Variants in GRM7 observed in about 807,000 individuals in gnomAD.
GRM7 encodes the protein metabotropic glutamate receptor 7.
A neutral mutation model predicts 84.5 loss-of-function variants in GRM7; 35 were observed. That is an observed-to-expected ratio of 0.41 (90% CI 0.32 to 0.55). The LOEUF (loss-of-function observed/expected upper bound fraction) is 0.55, where lower values mean the gene tolerates loss of function less well. Ranked by LOEUF, GRM7 falls within the 20% of genes least tolerant of loss-of-function variation. The probability of loss-of-function intolerance (pLI) is 0.19; values close to 1 mark genes in which losing one functional copy is unlikely to be tolerated. For synonymous variants in GRM7, 487 were observed against 455.1 expected (o/e 1.07, Z -0.89); for missense variants, 1,003 against 1,194.6 (o/e 0.84, Z 2.36).
intron 7 of GRM7, among the ~76,000 whole-genome samples, chr3:7,572,536 C>A (rs994310485): frequency 6.6e-6 from 1 of 151,752 alleles, no homozygotes; most frequent in Non-Finnish European, 1.5e-5. Context: ...TCTAATAATG[C>A]TGGCTGGGCA....
At chr3:7,011,506 C>T (rs1237639390) in intron 1 of GRM7, among the ~76,000 whole-genome samples, 8 of 152,080 alleles carry the variant, frequency 5.3e-5, no homozygotes, top group Admixed American at 5.2e-4. Flanking sequence ...TTGTGGTGGC[C>T]ATTTTTATTC....
intron 4 of GRM7, among the ~76,000 whole-genome samples, chr3:7,374,851 A>G (rs1011165859): frequency 6.6e-6 from 1 of 152,084 alleles, no homozygotes; most frequent in East Asian, 1.9e-4. Flanking sequence ...AGCTTCCTTA[A>G]GTGAGATAGT....
Position 7,722,737 on chromosome 3 carries a change from C to T in GRM7, c.2699-17620C>T, listed in dbSNP as rs540996841. 9.2e-5 allele frequency among the ~76,000 whole-genome samples: 14 copies of T among 152,162 alleles called. No individual in the cohort carries two copies. In the South Asian group the frequency reaches 2.7e-3, roughly 29 times the overall value. Reference sequence around the variant, plus strand: ...GATTACAGGTGTGAGCCACCACGCCCGGCCCCTTGTGTTTTTCCCACTGCT... The same window carrying T: ...GATTACAGGTGTGAGCCACCACGCCTGGCCCCTTGTGTTTTTCCCACTGCT... On this transcript the variant is annotated intron_variant, in intron 9 of 9. Coordinates refer to ENST00000357716, the MANE Select transcript of GRM7 (RefSeq NM_000844.4).
intron 4 of GRM7, among the ~76,000 whole-genome samples, chr3:7,351,722 C>T (rs1693155946): frequency 6.6e-6 from 1 of 151,866 alleles, no homozygotes; most frequent in Non-Finnish European, 1.5e-5. Flanking sequence ...GAGCAGAATA[C>T]CTTTTTTTTT....
At chr3:7,740,228 C>T in intron 9 of GRM7, 129 bp from the exon 10 acceptor site, 1 of 602,826 alleles carries the variant, frequency 1.7e-6, no homozygotes, top group Middle Eastern at 2.9e-4. Flanking sequence ...CCAAAGTTGT[C>T]TGTGTGTGTT....
At chr3:7,277,177 C>T (rs1315100636) in intron 2 of GRM7, among the ~76,000 whole-genome samples, 1 of 152,010 alleles carries the variant, frequency 6.6e-6, no homozygotes, top group African/African-American at 2.4e-5. Context: ...CCTCAGATTG[C>T]TTTCTCACAA....
At chr3:7,576,809 AT>A (rs1694984544) in intron 7 of GRM7, among the ~76,000 whole-genome samples, 2 of 152,182 alleles carry the variant, frequency 1.3e-5, no homozygotes, top group Non-Finnish European at 2.9e-5. Context: ...TACTAAAACT[AT>A]TTCATGCATA....
chr3:6,886,841 A>G (rs1445139167), intron 1 of GRM7, among the ~76,000 whole-genome samples: 2 of 151,852 alleles, frequency 1.3e-5, no homozygotes, highest in African/African-American at 2.4e-5. Context: ...AGCACTTTGT[A>G]TATATAATTC....
intron 2 of GRM7, among the ~76,000 whole-genome samples, chr3:7,247,617 A>AT (rs1697820321): frequency 6.6e-6 from 1 of 150,584 alleles, no homozygotes; most frequent in Non-Finnish European, 1.5e-5. Context: ...AAAAAAAAAA[A>AT]AAAGAAGAAG....
chr3:6,988,190 T>TTTGGAGGG (rs1694498655), intron 1 of GRM7, among the ~76,000 whole-genome samples: 1 of 141,564 alleles, frequency 7.1e-6, no homozygotes, highest in Non-Finnish European at 1.5e-5. Flanking sequence ...TTTTTTTTTT[T>TTTGGAGGG]AGTAGAGATG....
At chr3:7,064,199 A>C (rs1399605814) in intron 1 of GRM7, among the ~76,000 whole-genome samples, 1 of 150,758 alleles carries the variant, frequency 6.6e-6, no homozygotes, top group East Asian at 2.0e-4. Context: ...CCATCTATAC[A>C]CTATACTATA....
At chr3:7,497,810 G>A (rs1263195108) in intron 7 of GRM7, among the ~76,000 whole-genome samples, 1 of 152,104 alleles carries the variant, frequency 6.6e-6, no homozygotes, top group Admixed American at 6.6e-5. Context: ...TAACTTTTCT[G>A]AGCCTCAGTT....
rs898340647 is a variant in GRM7 at position 7,486,320 on chromosome 3, A to T, written c.1515+24598A>T. ...GATGGTGATAAAAGGTAGGAAGACT[A>T]TTTTATTTGTTTCTATCTCTGCTAT... On this transcript the variant is annotated intron_variant, in intron 7 of 9. Coordinates refer to ENST00000357716, the MANE Select transcript of GRM7 (RefSeq NM_000844.4). This position sits in a 1 kb window ranked among gnomAD's most constrained non-coding sequence, Gnocchi z 5.5. Among the ~76,000 whole-genome samples, 1 of 152,078 alleles carries T rather than the reference A, an allele frequency of 6.6e-6. No homozygotes were observed. Among genetic ancestry groups the T allele is most frequent in the Non-Finnish European group, 1.5e-5 (1 of 68,008 alleles).
At chr3:7,355,472 G>C (rs1375881210) in intron 4 of GRM7, among the ~76,000 whole-genome samples, 1 of 152,080 alleles carries the variant, frequency 6.6e-6, no homozygotes, top group African/African-American at 2.4e-5. Flanking sequence ...GCTGCTTGGA[G>C]CATTTGGAAG....
intron 7 of GRM7, among the ~76,000 whole-genome samples, chr3:7,567,111 T>C (rs537563636): frequency 4.6e-5 from 7 of 152,326 alleles, no homozygotes; most frequent in Admixed American, 4.6e-4. Context: ...AAAATGTTTC[T>C]TACACCCACT....
At chr3:7,524,455 G>A in intron 7 of GRM7, among the ~76,000 whole-genome samples, 1 of 87,898 alleles carries the variant, frequency 1.1e-5, no homozygotes, top group Non-Finnish European at 2.1e-5. Context: ...GTGGGCAAAG[G>A]ACATGAACAG....
chr3:6,970,194 C>T (rs980174624), intron 1 of GRM7, among the ~76,000 whole-genome samples: 3 of 121,448 alleles, frequency 2.5e-5, no homozygotes, highest in Non-Finnish European at 3.4e-5. Flanking sequence ...AAGCTAGCCT[C>T]TCCTGAAAAC....
intron 1 of GRM7, among the ~76,000 whole-genome samples, chr3:7,066,671 A>G (rs1697678241): frequency 6.6e-6 from 1 of 152,086 alleles, no homozygotes; most frequent in South Asian, 2.1e-4. Context: ...TAATTCAGCT[A>G]TGAAGCCAGC....
At chr3:7,407,897 C>T (rs1442574705) in intron 4 of GRM7, among the ~76,000 whole-genome samples, 1 of 152,114 alleles carries the variant, frequency 6.6e-6, no homozygotes, top group Non-Finnish European at 1.5e-5. Flanking sequence ...CTCTCTTTTC[C>T]TCACCTTATA....
Sources: allele counts gnomAD v4.1 joint callset (sites outside exome capture counted in the v4.1 genomes callset), GRCh38; gene constraint gnomAD v4.1.1; non-coding constraint Gnocchi (gnomAD v3.1); transcripts MANE v1.5; gene names NCBI Gene and HGNC (gene_info 2026-07-23, HGNC 2026-07-21).